The following TDRD10 variants were observed in gnomAD, a reference collection of about 807,000 sequenced individuals.
TDRD10 encodes tudor domain-containing protein 10.
TDRD10 carries 40 observed loss-of-function variants against 48.0 expected under a neutral mutation model. The ratio of observed to expected loss-of-function variants is 0.83; its 90% CI spans 0.65 to 1.09. The LOEUF is 1.09. Among genes scored for constraint, TDRD10 ranks in the 50% least tolerant of loss-of-function variants. TDRD10 has a pLI of 0.00. For missense variants in TDRD10, 378 were observed against 434.7 expected, an observed-to-expected ratio of 0.87 and a Z score of 1.16; for synonymous variants, 162 against 170.4, an observed-to-expected ratio of 0.95 and a Z score of 0.38.
chr1:154,545,003 G>A (rs1372511785), intron 11 of TDRD10, 54 bp downstream of exon 11: 17 of 1,594,326 alleles, frequency 1.1e-5, no homozygotes, highest in Admixed American at 3.4e-5. Context: ...AGAAGCCATG[G>A]TTGCTTCTGG....
chr1:154,515,128 A>G (rs1389604130), intron 4 of TDRD10, among the ~76,000 whole-genome samples: 7 of 152,098 alleles, frequency 4.6e-5, no homozygotes, highest in African/African-American at 1.7e-4. Flanking sequence ...TCAGCTTCCC[A>G]GAGTGCTGGG....
chr1:154,508,384 G>GTAT (rs1557812756), intron 3 of TDRD10, 39 bp from the exon 4 acceptor site: 1 of 1,394,900 alleles, frequency 7.2e-7, no homozygotes, highest in East Asian at 2.3e-5. Context: ...TCCTCTAACC[G>GTAT]TATGTATGCC....
At chr1:154,545,456 C>T (rs377101614) in intron 11 of TDRD10, among the ~76,000 whole-genome samples, 5 of 152,040 alleles carry the variant, frequency 3.3e-5, no homozygotes, top group Non-Finnish European at 7.3e-5. Flanking sequence ...TTCTCAAGAT[C>T]GAAGTTAGGT....
Position 154,544,117 on chromosome 1 carries a change from A to G in TDRD10, c.651+7A>G. On this transcript the variant is annotated splice_region_variant and intron_variant, in intron 9 of 12. Transcript: ENST00000368482. ...GGCTATGCACGTCACTGAGGTATGGACTGGTTGTTGGCCCCCTCAGGCTCC... is the reference window on the plus strand; with the variant it reads ...GGCTATGCACGTCACTGAGGTATGGGCTGGTTGTTGGCCCCCTCAGGCTCC... The G allele has an allele frequency of 6.2e-7, 1 of 1,613,928 alleles. No homozygotes were observed. The highest frequency in any genetic ancestry group is 8.5e-7 in the Non-Finnish European group (1 of 1,179,972).
At chr1:154,541,786 C>A in intron 6 of TDRD10, 2 of 465,434 alleles carry the variant, frequency 4.3e-6, no homozygotes, top group South Asian at 7.3e-5. Flanking sequence ...ATGAGTGCTC[C>A]CTGGCAGCAG....
intron 6 of TDRD10, among the ~76,000 whole-genome samples, chr1:154,530,889 A>T: frequency 6.8e-6 from 1 of 146,370 alleles, no homozygotes; most frequent in African/African-American, 2.5e-5. Flanking sequence ...TTTTGAGACG[A>T]GTCTCACTCT....
chr1:154,541,826 C>T, intron 6 of TDRD10, 198 bp from the exon 7 acceptor site: 3 of 531,660 alleles, frequency 5.6e-6, no homozygotes, highest in South Asian at 2.8e-5. Context: ...TGCTTCTGAT[C>T]GTCTTTTCTT....
In TDRD10 at chr1:154,547,416, G is replaced by C. The variant is rs1695662296; in HGVS notation, c.960G>C (p.Leu320Phe). The C allele has an allele frequency of 6.2e-7, 1 of 1,614,054 alleles. No homozygotes were observed. The highest frequency in any genetic ancestry group is 1.1e-5 in the South Asian group (1 of 91,074). ...TQPFMLEKDI[L>F]SSYEVVHRIL... ...TTGTGTCTTGTTTTGCAGACATTTTGAGTTCGTATGAGGTTGTCCATCGAA... is the reference window on the plus strand; with the variant it reads ...TTGTGTCTTGTTTTGCAGACATTTTCAGTTCGTATGAGGTTGTCCATCGAA... The change falls in exon 12 of 13, where the codon TTG (leucine) becomes TTC (phenylalanine). Residue 320 changes from leucine (L) to phenylalanine (F), a missense_variant. Physicochemically the swap from Leu to Phe is conservative, Grantham distance 22. Coordinates refer to ENST00000368482, the MANE Select transcript of TDRD10 (RefSeq NM_182499.4).
In TDRD10 at chr1:154,521,328, C is replaced by T; in HGVS notation, c.218C>T (p.Ala73Val). The T allele has an allele frequency of 6.2e-7, 1 of 1,614,042 alleles. No homozygotes were observed. The highest frequency in any genetic ancestry group is 8.5e-7 in the Non-Finnish European group (1 of 1,179,966). Reference protein sequence around the residue: ...HKIQNGCKCFAFVDLGSMQKV... With the variant: ...HKIQNGCKCFVFVDLGSMQKV... ...TCTCTCTCTTCCCTTTTCAGCTTTGCATTTGTAGATCTGGGCTCCATGCAG... is the reference window on the plus strand; with the variant it reads ...TCTCTCTCTTCCCTTTTCAGCTTTGTATTTGTAGATCTGGGCTCCATGCAG... Residue 73 changes from alanine (A) to valine (V), a missense_variant, in exon 6 of 13, where the codon GCA becomes GTA. Transcript: ENST00000368482.
chr1:154,513,595 G>C (rs1326396345), intron 4 of TDRD10, among the ~76,000 whole-genome samples: 1 of 152,110 alleles, frequency 6.6e-6, no homozygotes, highest in East Asian at 1.9e-4. Context: ...ACTAATTTTA[G>C]CCTCACTAAA....
chr1:154,541,959 C>G, intron 6 of TDRD10, 65 bp from the exon 7 acceptor site: 1 of 1,538,320 alleles, frequency 6.5e-7, no homozygotes, highest in Non-Finnish European at 9.0e-7. Context: ...TGGAGTGATT[C>G]AACATAGAAA....
At chr1:154,526,431 T>A (rs1208798700) in intron 6 of TDRD10, among the ~76,000 whole-genome samples, 3 of 151,378 alleles carry the variant, frequency 2.0e-5, no homozygotes, top group Non-Finnish European at 4.4e-5. Context: ...TTTTTTTTTT[T>A]TTTTTTGAGA....
At chr1:154,529,394 A>G (rs1354017566) in intron 6 of TDRD10, among the ~76,000 whole-genome samples, 2 of 152,072 alleles carry the variant, frequency 1.3e-5, no homozygotes, top group East Asian at 1.9e-4. Context: ...TTTTGCTTCA[A>G]CTGTCAAATA....
Position 154,507,316 on chromosome 1 carries a change from T to A in TDRD10, c.78T>A (p.Ser26=). 6.2e-7 allele frequency: 1 copy of A among 1,614,036 alleles called. No homozygotes were observed. Among genetic ancestry groups the A allele is most frequent in the Non-Finnish European group, 8.5e-7 (1 of 1,180,010 alleles). The change falls in exon 3 of 13, where the codon TCT becomes TCA. Residue 26 remains serine, a synonymous_variant. Coordinates refer to ENST00000368482, the MANE Select transcript of TDRD10 (RefSeq NM_182499.4). ...ATGGAGTGTTGGAGGAGCAGAAATC[T>A]CCAGGTAAGTTAGGCTGGGGGATTC... ...GKNGVLEEQK[S]PGFKKRETEV... is the part of the protein sequence containing the mutation.
chr1:154,524,479 A>AT (rs1694207796), intron 6 of TDRD10, among the ~76,000 whole-genome samples: 1 of 151,994 alleles, frequency 6.6e-6, no homozygotes, highest in African/African-American at 2.4e-5. Context: ...GCCTATAGTA[A>AT]TTTTTTATTG....
intron 4 of TDRD10, 116 bp downstream of exon 4, chr1:154,508,597 C>T: frequency 1.4e-6 from 1 of 740,292 alleles, no homozygotes; most frequent in Non-Finnish European, 2.4e-6. Flanking sequence ...TATGATAGTG[C>T]AGACAGTCAC....
At chr1:154,511,260 A>G (rs545357724) in intron 4 of TDRD10, among the ~76,000 whole-genome samples, 1 of 151,362 alleles carries the variant, frequency 6.6e-6, no homozygotes, top group African/African-American at 2.4e-5. Context: ...GTGCACCACC[A>G]TGCCTGGCTA....
At chr1:154,529,878 C>T (rs1694517416) in intron 6 of TDRD10, among the ~76,000 whole-genome samples, 1 of 152,134 alleles carries the variant, frequency 6.6e-6, no homozygotes, top group Non-Finnish European at 1.5e-5. Context: ...AAAGTTCTAC[C>T]TTTTATCATT....
At chr1:154,538,314 C>G (rs112236096) in intron 6 of TDRD10, among the ~76,000 whole-genome samples, 2 of 146,728 alleles carry the variant, frequency 1.4e-5, no homozygotes, top group Non-Finnish European at 3.0e-5. Flanking sequence ...TTTGGGAGGC[C>G]GAGGTGGGCG....
Sources: gnomAD v4.1 joint callset for allele counts (sites outside exome capture counted in the v4.1 genomes callset) on GRCh38, gnomAD v4.1.1 for gene constraint, MANE v1.5 for transcripts, NCBI Gene and HGNC (gene_info 2026-07-23, HGNC 2026-07-21) for gene names.